Variants in IHO1 observed in about 807,000 individuals in gnomAD.
IHO1 encodes interactor of HORMAD1 protein 1.
IHO1 carries 13 observed loss-of-function variants against 31.0 expected under a neutral mutation model. The ratio of observed to expected loss-of-function variants is 0.42; its 90% CI spans 0.27 to 0.67. The LOEUF is 0.67. Among genes scored for constraint, IHO1 ranks in the 30% least tolerant of loss-of-function variants. The pLI, the probability that IHO1 is intolerant of heterozygous loss-of-function variation, is 0.24. For synonymous variants in IHO1, 221 were observed against 248.4 expected (o/e 0.89, Z 1.04); for missense variants, 599 against 687.5 (o/e 0.87, Z 1.44).
intron 6 of IHO1, among the ~76,000 whole-genome samples, chr3:49,246,858 CTT>C (rs542095883): frequency 5.6e-5 from 8 of 143,900 alleles, no homozygotes; most frequent in Non-Finnish European, 7.7e-5. Flanking sequence ...TTTTTCTTTT[CTT>C]TTTTTTTTTT....
At chr3:49,216,446 T>C (rs1040783579) in intron 2 of IHO1, among the ~76,000 whole-genome samples, 2 of 152,074 alleles carry the variant, frequency 1.3e-5, no homozygotes, top group African/African-American at 4.8e-5. Context: ...ATACAAAAAT[T>C]AGCCGGGTGT....
chr3:49,236,816 T>A, intron 3 of IHO1, 94 bp downstream of exon 3: 1 of 1,222,332 alleles, frequency 8.2e-7, no homozygotes, highest in Non-Finnish European at 1.1e-6. Flanking sequence ...GTGCAATGGC[T>A]GACACCTGTA....
At chr3:49,193,451 C>A (rs1178826005), upstream of IHO1, among the ~76,000 whole-genome samples, 1 of 152,042 alleles carries the variant, frequency 6.6e-6, no homozygotes, top group Non-Finnish European at 1.5e-5. Flanking sequence ...GTAATCCCAG[C>A]ACTTTGGGAG....
intron 2 of IHO1, among the ~76,000 whole-genome samples, chr3:49,229,932 C>T (rs1170046549): frequency 6.6e-6 from 1 of 152,130 alleles, no homozygotes; most frequent in Non-Finnish European, 1.5e-5. Flanking sequence ...TCAAAGTCAA[C>T]ATATGATGCA....
At chr3:49,245,022 A>G (rs2107731656) in intron 6 of IHO1, 1 of 576,568 alleles carries the variant, frequency 1.7e-6, no homozygotes, top group South Asian at 2.3e-5. Flanking sequence ...TTCTCATCTC[A>G]CTGCCTGAAG....
intron 3 of IHO1, 142 bp downstream of exon 3, chr3:49,236,864 T>C (rs2046565809): frequency 1.4e-6 from 1 of 717,450 alleles, no homozygotes. Flanking sequence ...AGTGGATCCC[T>C]TGAGCCCAGG....
At chr3:49,235,577 G>A (rs1451850970) in intron 2 of IHO1, among the ~76,000 whole-genome samples, 8 of 151,946 alleles carry the variant, frequency 5.3e-5, no homozygotes, top group Non-Finnish European at 1.2e-4. Context: ...ATCAGCTAAT[G>A]CATGTACCTT....
At chr3:49,246,247 A>C (rs964706344) in intron 6 of IHO1, among the ~76,000 whole-genome samples, 23 of 152,024 alleles carry the variant, frequency 1.5e-4, no homozygotes, top group Admixed American at 7.9e-4. Flanking sequence ...AAGAAGTAGC[A>C]AGACAGACGG....
chr3:49,225,979 T>TAAAG (rs1466020281), intron 2 of IHO1, among the ~76,000 whole-genome samples: 1 of 152,166 alleles, frequency 6.6e-6, no homozygotes, highest in African/African-American at 2.4e-5. Context: ...AGAGGACCTT[T>TAAAG]GTCCTCTGGG....
chr3:49,229,614 T>C (rs368334272), intron 2 of IHO1, among the ~76,000 whole-genome samples: 13 of 152,318 alleles, frequency 8.5e-5, no homozygotes, highest in African/African-American at 3.1e-4. Flanking sequence ...ATAAACATCA[T>C]ACCTGTGAAA....
At position 49,241,273 on chromosome 3, in the gene IHO1, C is replaced by G. The variant is rs759779846; in HGVS notation, c.279C>G (p.Phe93Leu). 1.9e-6 allele frequency: 3 copies of G among 1,613,308 alleles called. No homozygotes were observed. Among genetic ancestry groups the G allele is most frequent in the Non-Finnish European group, 2.5e-6 (3 of 1,179,792 alleles). Reference sequence around the variant, plus strand: ...AGTACCAGACAAAGCCCCAGCTGTTCGGAGGAGATATAAAAGATGGAGGTT... The same window carrying G: ...AGTACCAGACAAAGCCCCAGCTGTTGGGAGGAGATATAAAAGATGGAGGTT... ...FTKYQTKPQL[F>L]GGDIKDGGLF... The change falls in exon 4 of 8, where the codon TTC becomes TTG. Residue 93 changes from phenylalanine (F) to leucine (L), a missense_variant. Coordinates refer to ENST00000452691, the MANE Select transcript of IHO1 (RefSeq NM_001135197.2).
chr3:49,214,563 T>C (rs552408815), intron 2 of IHO1, among the ~76,000 whole-genome samples: 10 of 128,766 alleles, frequency 7.8e-5, no homozygotes, highest in African/African-American at 2.3e-4. Context: ...AAAAAATGCT[T>C]ACAGTTGATA....
intron 2 of IHO1, among the ~76,000 whole-genome samples, chr3:49,227,750 C>T (rs1346604464): frequency 6.6e-6 from 1 of 152,112 alleles, no homozygotes; most frequent in Non-Finnish European, 1.5e-5. Context: ...GAGGGCCATA[C>T]CCTGAGGGAG....
rs145411819 is a variant in IHO1, at chr3:49,227,480, C to T, written c.57-9068C>T. Among the ~76,000 whole-genome samples the T allele has an allele frequency of 5.7e-3, 872 of 152,304 alleles. 5 individuals are homozygous for T. The highest frequency in any genetic ancestry group is 9.8e-3 in the Non-Finnish European group (664 of 68,030). ...CTGATTGGAATATTGCACTCACCGA[C>T]GCAGCAGCAGAAACAGTAGTTTTCC... is the stretch of plus-strand genomic sequence containing the variant. On this transcript the variant is annotated intron_variant, in intron 2 of 7. Coordinates refer to ENST00000452691, the MANE Select transcript of IHO1 (RefSeq NM_001135197.2).
Position 49,202,495 on chromosome 3 carries a change from T to TTGTGTGTGTG in IHO1, c.-16+2964_-16+2973dup, listed in dbSNP as rs113425200. ...TGCCTGACACCATGCCCGGCTAATT[T>TTGTGTGTGTG]TGTGTGTGTGTGTGTGTGTGTGTGT... On this transcript the variant is annotated intron_variant, in intron 1 of 7. Transcript: ENST00000452691. Among the ~76,000 whole-genome samples, 64 of 129,998 alleles carry TTGTGTGTGTG rather than the reference T, an allele frequency of 4.9e-4. 1 individual carries two copies. The highest frequency in any genetic ancestry group is 1.1e-3 in the African/African-American group (34 of 31,958). 85.3% of individuals were successfully genotyped at this position (129,998 alleles called of 152,430 possible).
chr3:49,237,451 A>G (rs2046573549), intron 3 of IHO1, among the ~76,000 whole-genome samples: 1 of 152,210 alleles, frequency 6.6e-6, no homozygotes, highest in Non-Finnish European at 1.5e-5. Context: ...GTACATCTGT[A>G]AGGATTACTC....
In IHO1 at chr3:49,214,511, G is replaced by A. The variant is rs1166874479; in HGVS notation, c.56+2675G>A. Among the ~76,000 whole-genome samples, 12 of 129,112 alleles carry A rather than the reference G, an allele frequency of 9.3e-5. No individual in the cohort carries two copies. The Admixed American group carries it at 9.5e-4, about 10-fold the overall frequency. 84.7% of individuals were successfully genotyped at this position (129,112 alleles called of 152,430 possible). A position where few individuals can be genotyped will look rare whatever the true frequency, so the allele number is the denominator to read the frequency against. ...TAACACCTTCCTGAAGTTATCAATC[G>A]ATCAGAAACCTAGAGCACTGTTTTT... On this transcript the variant is annotated intron_variant, in intron 2 of 7. Coordinates refer to ENST00000452691, the MANE Select transcript of IHO1 (RefSeq NM_001135197.2).
chr3:49,222,570 C>A (rs996750291), intron 2 of IHO1, among the ~76,000 whole-genome samples: 4 of 152,002 alleles, frequency 2.6e-5, no homozygotes, highest in Admixed American at 2.6e-4. Flanking sequence ...GTAGTCCTAT[C>A]GTAAAGAGTA....
intron 2 of IHO1, among the ~76,000 whole-genome samples, chr3:49,227,000 AG>A (rs1203081285): frequency 6.6e-6 from 1 of 152,144 alleles, no homozygotes; most frequent in African/African-American, 2.4e-5. Context: ...GGGAGATTAA[AG>A]GAGGCTTCTC....
Sources: gnomAD v4.1 joint callset for allele counts (sites outside exome capture counted in the v4.1 genomes callset) on GRCh38, gnomAD v4.1.1 for gene constraint, MANE v1.5 for transcripts, NCBI Gene and HGNC (gene_info 2026-07-23, HGNC 2026-07-21) for gene names.